Variants in DAB1 observed in about 807,000 individuals in gnomAD.
The protein encoded by DAB1 is disabled homolog 1.
DAB1 carries 15 observed loss-of-function variants against 64.6 expected under a neutral mutation model. The observed-to-expected ratio is 0.23, with a 90% CI of 0.16 to 0.36. The LOEUF (loss-of-function observed/expected upper bound fraction) is 0.36. Among genes scored for constraint, DAB1 ranks in the 10% least tolerant of loss-of-function variants. DAB1 has a pLI of 1.00. For missense variants in DAB1, 596 were observed against 706.7 expected (o/e 0.84, Z 1.78); for synonymous variants, 235 against 251.9 (o/e 0.93, Z 0.64).
intron 6 of DAB1, among the ~76,000 whole-genome samples, chr1:57,780,704 T>C (rs185018709): frequency 8.4e-4 from 128 of 152,018 alleles, no homozygotes; most frequent in African/African-American, 3.0e-3. Flanking sequence ...TTTCCTTCCT[T>C]CCTTCTTTCT....
chr1:57,688,285 T>C (rs35995365), intron 6 of DAB1, among the ~76,000 whole-genome samples: 356 of 152,220 alleles, frequency 2.3e-3, no homozygotes, highest in Non-Finnish European at 4.3e-3. Context: ...AAAGAAGACA[T>C]GCAAGCAGCC....
intron 2 of DAB1, among the ~76,000 whole-genome samples, chr1:58,514,439 G>C (rs1298788705): frequency 6.6e-6 from 1 of 152,128 alleles, no homozygotes; most frequent in Admixed American, 6.6e-5. Flanking sequence ...GAAATGCAAA[G>C]ATGAAAAGTA....
Position 57,384,559 on chromosome 1 carries a change from T to C in DAB1, c.-137+39371A>G, listed in dbSNP as rs374697384. Among the ~76,000 whole-genome samples the C allele has an allele frequency of 6.8e-4, 103 of 152,328 alleles. 1 individual carries two copies. The South Asian group carries it at 0.017, about 26-fold the overall frequency. ...ATGGATAAACCAAGTGTGATAAATA[T>C]ATACAGTGAAATATGATTTAGCCTT... On this transcript the variant is annotated intron_variant, in intron 1 of 14. Transcript: ENST00000371236.
chr1:57,073,610 C>A (rs1344098710), intron 4 of DAB1, among the ~76,000 whole-genome samples: 2 of 152,108 alleles, frequency 1.3e-5, no homozygotes, highest in Non-Finnish European at 2.9e-5. Context: ...TACTGGGTAT[C>A]AGGAGGCCTG....
chr1:57,828,526 C>T (rs1310079872), intron 1 of DAB1, among the ~76,000 whole-genome samples: 4 of 151,918 alleles, frequency 2.6e-5, no homozygotes, highest in African/African-American at 9.7e-5. Flanking sequence ...ATGTGCTCAA[C>T]AAAAGCCTGT....
rs543881101 is a variant in DAB1 at position 57,064,971 on chromosome 1, C to A, written c.664-2028G>T. On this transcript the variant is annotated intron_variant, in intron 8 of 14. Coordinates refer to ENST00000371236, the MANE Select transcript of DAB1 (RefSeq NM_001365792.1). ...CTCACTTTTGTTTTTACTAGCTCAA[C>A]CTTTACTGAGAAAAATGAAGAACAT... Among the ~76,000 whole-genome samples, 6 of 152,266 alleles carry A rather than the reference C, an allele frequency of 3.9e-5. No homozygotes were observed. The East Asian group carries it at 1.2e-3, about 29-fold the overall frequency.
rs1192664324 is a variant in DAB1, at chr1:58,118,501, T to TACAC, written n.387+32009_387+32010insGTGT. Among the ~76,000 whole-genome samples, 380 of 63,232 alleles carry TACAC rather than the reference T, an allele frequency of 6.0e-3. 2 individuals carry two copies. The highest frequency in any genetic ancestry group is 7.9e-3 in the Non-Finnish European group (291 of 36,716). The allele number at this position is 63,232 out of a possible 152,430, so 41.5% of individuals were successfully genotyped here. ...ATATATATATATATATATATATATA[T>TACAC]ATACACACACACACACACACATATA... On this transcript the variant is annotated intron_variant and non_coding_transcript_variant, in intron 5 of 20. Coordinates refer to the DAB1 transcript ENST00000485760.
intron 5 of DAB1, among the ~76,000 whole-genome samples, chr1:58,122,334 C>T (rs566530796): frequency 6.6e-6 from 1 of 152,146 alleles, no homozygotes; most frequent in Non-Finnish European, 1.5e-5. Flanking sequence ...GCCTAATTTC[C>T]TGCTAATTTG....
chr1:58,369,193 T>C lies in DAB1; in HGVS notation n.258-25790A>G, dbSNP rs142814850. 7.3e-4 allele frequency among the ~76,000 whole-genome samples: 111 copies of C among 152,332 alleles called. 1 individual carries two copies. Among genetic ancestry groups the C allele is most frequent in the African/African-American group, 2.6e-3 (108 of 41,574 alleles). ...AATTTATTTTGTAGAGGCCCTTTAT[T>C]GGCTTTTTTCCCCCTCCATGTTTCA... On this transcript the variant is annotated intron_variant and non_coding_transcript_variant, in intron 3 of 20. Transcript: ENST00000485760.
intron 4 of DAB1, among the ~76,000 whole-genome samples, chr1:58,280,057 A>T (rs562229194): frequency 1.3e-5 from 2 of 152,250 alleles, no homozygotes; most frequent in South Asian, 4.1e-4. Context: ...CCTTCAGCCA[A>T]GCAGCAGAAA....
At chr1:58,306,119 AAG>A (rs1662302745) in intron 4 of DAB1, among the ~76,000 whole-genome samples, 1 of 152,194 alleles carries the variant, frequency 6.6e-6, no homozygotes, top group African/African-American at 2.4e-5. Flanking sequence ...CCCTGACAGA[AAG>A]AGAGAAGAAC....
intron 4 of DAB1, among the ~76,000 whole-genome samples, chr1:58,246,942 A>G (rs911250520): frequency 1.3e-5 from 2 of 151,972 alleles, no homozygotes; most frequent in Admixed American, 6.6e-5. Context: ...TCACAGGAAC[A>G]TGAGGAGGGA....
intron 7 of DAB1, among the ~76,000 whole-genome samples, chr1:57,472,623 C>T (rs750016598): frequency 1.3e-5 from 2 of 152,096 alleles, no homozygotes; most frequent in Non-Finnish European, 2.9e-5. Context: ...GTCACATACC[C>T]GCTGCTTGCT....
At chr1:58,479,093 T>C (rs1327652030) in intron 3 of DAB1, among the ~76,000 whole-genome samples, 2 of 152,234 alleles carry the variant, frequency 1.3e-5, no homozygotes, top group Non-Finnish European at 1.5e-5. Flanking sequence ...TGTCAACTTA[T>C]ATATGTTTCT....
chr1:57,294,152 C>A (rs1409638803), intron 1 of DAB1, among the ~76,000 whole-genome samples: 1 of 152,150 alleles, frequency 6.6e-6, no homozygotes, highest in East Asian at 1.9e-4. Context: ...CCTCCAGGGC[C>A]AGAAACCATG....
chr1:58,343,157 C>T (rs1223337262), intron 4 of DAB1, among the ~76,000 whole-genome samples: 1 of 151,986 alleles, frequency 6.6e-6, no homozygotes. Context: ...GGTGACAGTC[C>T]ATGGTTCTGA....
intron 1 of DAB1, among the ~76,000 whole-genome samples, chr1:57,392,977 C>T (rs1053078779): frequency 1.3e-5 from 2 of 152,154 alleles, no homozygotes; most frequent in Non-Finnish European, 2.9e-5. Context: ...CAGTCGGCCC[C>T]GGCTCCACAT....
chr1:57,339,244 C>T (rs930921367), intron 1 of DAB1, among the ~76,000 whole-genome samples: 6 of 152,106 alleles, frequency 3.9e-5, no homozygotes, highest in Middle Eastern at 3.4e-3. Flanking sequence ...CAAGCTCCGC[C>T]TCTTGGGTTC....
chr1:57,026,025 G>T lies in DAB1; in HGVS notation c.742C>A (p.Leu248Ile). 1 of 1,597,856 alleles carries T rather than the reference G, an allele frequency of 6.3e-7. No homozygotes were observed. Among genetic ancestry groups the T allele is most frequent in the Non-Finnish European group, 8.5e-7 (1 of 1,173,642 alleles). Residue 248 changes from leucine (L) to isoleucine (I), a missense_variant, in exon 10 of 15, where the codon CTT becomes ATT. Coordinates refer to ENST00000371236, the MANE Select transcript of DAB1 (RefSeq NM_001365792.1). Reference sequence around the variant, plus strand: ...GGGGGTGTGGACATGTCCCCAAAAAGTTCTAATTGGGTCACAGCCTGTAAA... The same window carrying T: ...GGGGGTGTGGACATGTCCCCAAAAATTTCTAATTGGGTCACAGCCTGTAAA... ...QPVSAVTQLE[L>I]FGDMSTPPDI...
Sources: gnomAD v4.1 joint callset for allele counts (sites outside exome capture counted in the v4.1 genomes callset) on GRCh38, gnomAD v4.1.1 for gene constraint, MANE v1.5 for transcripts, NCBI Gene and HGNC (gene_info 2026-07-23, HGNC 2026-07-21) for gene names.